Variants in ASB13 observed in about 807,000 individuals in gnomAD.
ASB13 encodes the protein ankyrin repeat and SOCS box protein 13.
In ASB13, 33 loss-of-function variants were observed where a neutral mutation model predicts 28.8. The ratio of observed to expected loss-of-function variants is 1.15; its 90% CI spans 0.87 to 1.53. The LOEUF is 1.53. Ranked by LOEUF, ASB13 falls within the 40% of genes most tolerant of loss-of-function variation. The probability of loss-of-function intolerance (pLI) is 0.00; values close to 1 mark genes in which losing one functional copy is unlikely to be tolerated. For synonymous variants in ASB13, 182 were observed against 172.9 expected (o/e 1.05, Z -0.41); for missense variants, 414 against 390.1 (o/e 1.06, Z -0.52).
chr10:5,646,849 G>T (rs1253144411), intron 4 of ASB13, among the ~76,000 whole-genome samples: 1 of 152,130 alleles, frequency 6.6e-6, no homozygotes, highest in Non-Finnish European at 1.5e-5. Flanking sequence ...TGATATGAAC[G>T]CACTGCGCTG....
chr10:5,646,951 T>C (rs1834894662), intron 4 of ASB13, among the ~76,000 whole-genome samples: 1 of 152,058 alleles, frequency 6.6e-6, no homozygotes, highest in African/African-American at 2.4e-5. Flanking sequence ...AGACAGTGTA[T>C]AAAAAAATTA....
rs1554743154 is a variant in ASB13, at chr10:5,655,840, T to A, written c.44-2790A>T. 6.6e-6 allele frequency among the ~76,000 whole-genome samples: 1 copy of A among 152,076 alleles called. No individual in the cohort carries two copies. Among genetic ancestry groups the A allele is most frequent in the Non-Finnish European group, 1.5e-5 (1 of 68,006 alleles). On this transcript the variant is annotated intron_variant, in intron 1 of 5. Transcript: ENST00000357700. The surrounding 1 kb of genome is among the most constrained non-coding windows in gnomAD (Gnocchi z 6.2). ...TAGGTCTTGCAGCAAAAAAAGAAAG[T>A]GCATCTCAGGAGGCCACCTGAGCCG...
chr10:5,651,121 C>T lies in ASB13; in HGVS notation c.382+92G>A, dbSNP rs1164731205. 6.8e-7 allele frequency: 1 copy of T among 1,460,182 alleles called. No individual in the cohort carries two copies. The highest frequency in any genetic ancestry group is 9.2e-7 in the Non-Finnish European group (1 of 1,091,722). The allele number at this position is 1,460,182 out of a possible 1,614,324, so 90.5% of individuals were successfully genotyped here. ...ACCAGCCAAGGGCTCCCAATTCTGT[C>T]TACTCTGCTTCCTTCCCTAAGTCCC... On this transcript the variant is annotated intron_variant, in intron 3 of 5. Coordinates refer to ENST00000357700, the MANE Select transcript of ASB13 (RefSeq NM_024701.4). This position sits in a 1 kb window ranked among gnomAD's most constrained non-coding sequence, Gnocchi z 5.1.
intron 1 of ASB13, among the ~76,000 whole-genome samples, chr10:5,654,063 C>G (rs1369892022): frequency 6.6e-6 from 1 of 151,282 alleles, no homozygotes. Context: ...AGCCAACATC[C>G]TTGTCTTGTT....
In ASB13 at chr10:5,655,936, C is replaced by T. The variant is rs1010771313; in HGVS notation, c.44-2886G>A. Among the ~76,000 whole-genome samples, 6 of 152,214 alleles carry T rather than the reference C, an allele frequency of 3.9e-5. No homozygotes were observed. The highest frequency in any genetic ancestry group is 4.8e-5 in the African/African-American group (2 of 41,448). Reference sequence around the variant, plus strand: ...GGATTTAGCGTCTTCCGCTGCCACACGCAAAGATGACTAAGATGCAGCAAT... The same window carrying T: ...GGATTTAGCGTCTTCCGCTGCCACATGCAAAGATGACTAAGATGCAGCAAT... On this transcript the variant is annotated intron_variant, in intron 1 of 5. Coordinates refer to ENST00000357700, the MANE Select transcript of ASB13 (RefSeq NM_024701.4). The surrounding 1 kb of genome is among the most constrained non-coding windows in gnomAD (Gnocchi z 6.2).
Position 5,640,762 on chromosome 10 carries a change from C to G in ASB13, c.778G>C (p.Glu260Gln). ...LRKATGVRGLEKIAKLNIPPR... is the reference protein window; with the variant it reads ...LRKATGVRGLQKIAKLNIPPR... ...GGGATGTTTAACTTGGCAATCTTCT[C>G]CAGCCCTCGGACGCCAGTGGCCTTC... The change falls in exon 6 of 6, where the codon GAG becomes CAG. Residue 260 changes from glutamate (E) to glutamine (Q), a missense_variant. Transcript: ENST00000357700. 1 of 1,614,154 alleles carries G rather than the reference C, an allele frequency of 6.2e-7. No individual in the cohort carries two copies. The highest frequency in any genetic ancestry group is 8.5e-7 in the Non-Finnish European group (1 of 1,180,020).
chr10:5,649,105 C>G lies in ASB13; in HGVS notation c.383-1G>C. ...AGAAGCCTCACACATTCGGAACTCC[C>G]TTAAGATAAATGGAAAAGGGGGGGA... On this transcript the variant is annotated splice_acceptor_variant, in intron 3 of 5. Transcript: ENST00000357700. LOFTEE classifies it high-confidence loss of function. The surrounding 1 kb of genome is among the most constrained non-coding windows in gnomAD (Gnocchi z 6.4). 1 of 1,614,166 alleles carries G rather than the reference C, an allele frequency of 6.2e-7. No homozygotes were observed. Among genetic ancestry groups the G allele is most frequent in the Non-Finnish European group, 8.5e-7 (1 of 1,180,034 alleles).
Position 5,641,783 on chromosome 10 carries a change from G to T in ASB13, c.696C>A (p.Phe232Leu), listed in dbSNP as rs144206251. Residue 232 changes from phenylalanine to leucine, a missense_variant, in exon 5 of 6, where the codon TTC becomes TTA. By Grantham distance (22) the Phe-to-Leu change is conservative. Coordinates refer to ENST00000357700, the MANE Select transcript of ASB13 (RefSeq NM_024701.4). The surrounding 1 kb of genome is among the most constrained non-coding windows in gnomAD (Gnocchi z 8.4). Reference sequence around the variant, plus strand: ...GGGGTGTCTCACTTTCGTAGTACTCGAAGCACTTGGCGGGAGCGCTGCTGC... The same window carrying T: ...GGGGTGTCTCACTTTCGTAGTACTCTAAGCACTTGGCGGGAGCGCTGCTGC... ...TWSSSAPAKC[F>L]EYYEKTPLTL... is the part of the protein sequence containing the mutation. 17 of 1,596,966 alleles carry T rather than the reference G, an allele frequency of 1.1e-5. No individual in the cohort carries two copies. The highest frequency in any genetic ancestry group is 1.4e-5 in the Non-Finnish European group (16 of 1,170,984).
At position 5,662,532 on chromosome 10, in the gene ASB13, AGGG is replaced by A. The variant is rs1175302210; in HGVS notation, c.43+3974_43+3976del. On this transcript the variant is annotated intron_variant, in intron 1 of 5. Coordinates refer to ENST00000357700, the MANE Select transcript of ASB13 (RefSeq NM_024701.4). ...GCGACAGACTGAGACTCTGTCGAGA[AGGG>A]GGGGGGAGGGGAGGGGAGGGGAGGG... Among the ~76,000 whole-genome samples, 3 of 17,620 alleles carry A rather than the reference AGGG, an allele frequency of 1.7e-4. 1 individual carries two copies. The Admixed American group carries it at 1.7e-3, about 10-fold the overall frequency. 11.6% of individuals were successfully genotyped at this position (17,620 alleles called of 152,430 possible).
At position 5,663,525 on chromosome 10, in the gene ASB13, G is replaced by C. The variant is rs2131460117; in HGVS notation, c.43+2984C>G. Among the ~76,000 whole-genome samples the C allele has an allele frequency of 6.6e-6, 1 of 152,254 alleles. No homozygotes were observed. Among genetic ancestry groups the C allele is most frequent in the Admixed American group, 6.5e-5 (1 of 15,308 alleles). On this transcript the variant is annotated intron_variant, in intron 1 of 5. Coordinates refer to ENST00000357700, the MANE Select transcript of ASB13 (RefSeq NM_024701.4). The surrounding 1 kb of genome is among the most constrained non-coding windows in gnomAD (Gnocchi z 4.9). ...AAGGCACTGTGGGAGCTCAGGCCCTGACTCAGGACCCCTGAGCTCTGATCC... is the reference window on the plus strand; with the variant it reads ...AAGGCACTGTGGGAGCTCAGGCCCTCACTCAGGACCCCTGAGCTCTGATCC...
chr10:5,641,829 T>C lies in ASB13; in HGVS notation c.650A>G (p.Lys217Arg), dbSNP rs532358792. Residue 217 changes from lysine to arginine, a missense_variant, in exon 5 of 6, where the codon AAG becomes AGG. Physicochemically the swap from Lys to Arg is conservative, Grantham distance 26. Transcript: ENST00000357700. This position sits in a 1 kb window ranked among gnomAD's most constrained non-coding sequence, Gnocchi z 8.4. Reference protein sequence around the residue: ...NIYARDNRGKKPSDYTWSSSA... With the variant: ...NIYARDNRGKRPSDYTWSSSA... ...GCTGCTCCACGTGTAGTCAGACGGC[T>C]TCTTCCCGCGGTTGTCCCGGGCGTA... 3.7e-6 allele frequency: 6 copies of C among 1,613,208 alleles called. No homozygotes were observed. In the East Asian group the frequency reaches 1.1e-4, roughly 30 times the overall value.
At position 5,642,657 on chromosome 10, in the gene ASB13, T is replaced by TTG. The variant is rs1834827993; in HGVS notation, c.518-697_518-696insCA. 1 of 445,288 alleles carries TTG rather than the reference T, an allele frequency of 2.2e-6. No individual in the cohort carries two copies. The highest frequency in any genetic ancestry group is 2.1e-5 in the African/African-American group (1 of 47,552). The allele number at this position is 445,288 out of a possible 1,614,324, so 27.6% of individuals were successfully genotyped here. A position where few individuals can be genotyped will look rare whatever the true frequency, so the allele number is the denominator to read the frequency against. ...GCTAAATATGGCTGGTTTTGGGTTT[T>TTG]TTTTTTTGAGACAGAGTCTCACTCT... On this transcript the variant is annotated intron_variant, in intron 4 of 5. Coordinates refer to ENST00000357700, the MANE Select transcript of ASB13 (RefSeq NM_024701.4). This position sits in a 1 kb window ranked among gnomAD's most constrained non-coding sequence, Gnocchi z 4.1.
rs947801217 is a variant in ASB13, at chr10:5,661,837, G to T, written c.43+4672C>A. On this transcript the variant is annotated intron_variant, in intron 1 of 5. Coordinates refer to ENST00000357700, the MANE Select transcript of ASB13 (RefSeq NM_024701.4). This position sits in a 1 kb window ranked among gnomAD's most constrained non-coding sequence, Gnocchi z 4.9. The stretch of plus-strand genomic sequence containing the variant: ...AAATGTTGCTGGAGTCAGAAATTTT[G>T]TTCCGAGTAAATCACCAAGGGGAGT... Among the ~76,000 whole-genome samples the T allele has an allele frequency of 6.6e-6, 1 of 152,190 alleles. No individual in the cohort carries two copies. The highest frequency in any genetic ancestry group is 2.4e-5 in the African/African-American group (1 of 41,458).
rs1588522456 is a variant in ASB13 at position 5,664,307 on chromosome 10, T to G, written c.43+2202A>C. On this transcript the variant is annotated intron_variant, in intron 1 of 5. Transcript: ENST00000357700. The surrounding 1 kb of genome is among the most constrained non-coding windows in gnomAD (Gnocchi z 4.2). The stretch of plus-strand genomic sequence containing the variant: ...CTGCAGGGCACACGTCTCCAAACAC[T>G]GAACCAGGAGAGAGAGAACACAGGA... Among the ~76,000 whole-genome samples, 1 of 129,600 alleles carries G rather than the reference T, an allele frequency of 7.7e-6. No individual in the cohort carries two copies. The highest frequency in any genetic ancestry group is 2.7e-4 in the South Asian group (1 of 3,710). 85.0% of individuals were successfully genotyped at this position (129,600 alleles called of 152,430 possible). A position where few individuals can be genotyped will look rare whatever the true frequency, so the allele number is the denominator to read the frequency against.
In ASB13 at chr10:5,645,697, A is replaced by G. The variant is rs1564215443; in HGVS notation, c.517+3273T>C. Among the ~76,000 whole-genome samples the G allele has an allele frequency of 6.6e-6, 1 of 152,184 alleles. No homozygotes were observed. Among genetic ancestry groups the G allele is most frequent in the African/African-American group, 2.4e-5 (1 of 41,450 alleles). ...CAAATGATCCAGGCTTGAGCCGATCAGAATTTGGCAAAGTTTGGGCAAAGG... is the reference window on the plus strand; with the variant it reads ...CAAATGATCCAGGCTTGAGCCGATCGGAATTTGGCAAAGTTTGGGCAAAGG... On this transcript the variant is annotated intron_variant, in intron 4 of 5. Coordinates refer to ENST00000357700, the MANE Select transcript of ASB13 (RefSeq NM_024701.4). The surrounding 1 kb of genome is among the most constrained non-coding windows in gnomAD (Gnocchi z 5.4).
rs1443170901 is a variant in ASB13, at chr10:5,640,760, C to T, written c.780G>A (p.Glu260=). Reference sequence around the variant, plus strand: ...GCGGGATGTTTAACTTGGCAATCTTCTCCAGCCCTCGGACGCCAGTGGCCT... The same window carrying T: ...GCGGGATGTTTAACTTGGCAATCTTTTCCAGCCCTCGGACGCCAGTGGCCT... ...LRKATGVRGL[E]KIAKLNIPPR... The change falls in exon 6 of 6, where the codon GAG becomes GAA. Residue 260 remains glutamate (E), a synonymous_variant. Transcript: ENST00000357700. 6.2e-7 allele frequency: 1 copy of T among 1,614,174 alleles called. No individual in the cohort carries two copies.
Position 5,655,817 on chromosome 10 carries a change from G to A in ASB13, c.44-2767C>T, listed in dbSNP as rs1835061727. The stretch of plus-strand genomic sequence containing the variant: ...GAAGAGGAAGGCAGGGTAAGGCCTA[G>A]GTCTTGCAGCAAAAAAAGAAAGTGC... On this transcript the variant is annotated intron_variant, in intron 1 of 5. Coordinates refer to ENST00000357700, the MANE Select transcript of ASB13 (RefSeq NM_024701.4). The surrounding 1 kb of genome is among the most constrained non-coding windows in gnomAD (Gnocchi z 6.2). Among the ~76,000 whole-genome samples, 3 of 152,158 alleles carry A rather than the reference G, an allele frequency of 2.0e-5. No homozygotes were observed. The highest frequency in any genetic ancestry group is 7.2e-5 in the African/African-American group (3 of 41,426).
chr10:5,652,809 C>G lies in ASB13; in HGVS notation c.231+54G>C. The G allele has an allele frequency of 1.4e-6, 2 of 1,461,280 alleles. No homozygotes were observed. Among genetic ancestry groups the G allele is most frequent in the Non-Finnish European group, 1.8e-6 (2 of 1,102,812 alleles). The allele number at this position is 1,461,280 out of a possible 1,614,324, so 90.5% of individuals were successfully genotyped here. On this transcript the variant is annotated intron_variant, in intron 2 of 5. Transcript: ENST00000357700. The surrounding 1 kb of genome is among the most constrained non-coding windows in gnomAD (Gnocchi z 5.0). Reference sequence around the variant, plus strand: ...TCCCAAGTTCTCCTGAGTCAACCTCCTCCATTCTGGCAGCTGCAGCCAGTC... The same window carrying G: ...TCCCAAGTTCTCCTGAGTCAACCTCGTCCATTCTGGCAGCTGCAGCCAGTC...
At position 5,661,364 on chromosome 10, in the gene ASB13, C is replaced by T. The variant is rs1835163931; in HGVS notation, c.43+5145G>A. On this transcript the variant is annotated intron_variant, in intron 1 of 5. Transcript: ENST00000357700. This position sits in a 1 kb window ranked among gnomAD's most constrained non-coding sequence, Gnocchi z 4.9. The stretch of plus-strand genomic sequence containing the variant: ...GCCTGGGGCCTCTCCAGGGTCAGGG[C>T]CCACTCCAACAAAGAGCATTCTCAA... Among the ~76,000 whole-genome samples, 1 of 152,236 alleles carries T rather than the reference C, an allele frequency of 6.6e-6. No homozygotes were observed. Among genetic ancestry groups the T allele is most frequent in the African/African-American group, 2.4e-5 (1 of 41,460 alleles).
Sources: gnomAD v4.1 joint callset for allele counts (sites outside exome capture counted in the v4.1 genomes callset) on GRCh38, gnomAD v4.1.1 for gene constraint, Gnocchi (gnomAD v3.1) non-coding constraint, MANE v1.5 for transcripts, NCBI Gene and HGNC (gene_info 2026-07-23, HGNC 2026-07-21) for gene names.